Variants in SPAST observed in about 807,000 individuals in gnomAD.
The protein encoded by SPAST is spastic paraplegia 4 (autosomal dominant; spastin).
SPAST carries 30 observed loss-of-function variants against 76.6 expected under a neutral mutation model. That is an observed-to-expected ratio of 0.39 (90% CI 0.29 to 0.53). The LOEUF (loss-of-function observed/expected upper bound fraction) is 0.53, where lower values mean the gene tolerates loss of function less well. Ranked by LOEUF, SPAST falls within the 20% of genes least tolerant of loss-of-function variation. The pLI, the probability that SPAST is intolerant of heterozygous loss-of-function variation, is 0.68. For missense variants in SPAST, 717 were observed against 770.5 expected (o/e 0.93, Z 0.82); for synonymous variants, 305 against 281.0 (o/e 1.09, Z -0.86).
Position 32,064,172 on chromosome 2 carries a change from A to G in SPAST, c.341A>G (p.Glu114Gly). 1 of 1,550,002 alleles carries G rather than the reference A, an allele frequency of 6.5e-7. No homozygotes were observed. Among genetic ancestry groups the G allele is most frequent in the South Asian group, 1.2e-5 (1 of 84,370 alleles). Residue 114 changes from glutamate to glycine, a missense_variant, in exon 1 of 17, where the codon GAG (glutamate) becomes GGG (glycine). Coordinates refer to ENST00000315285, the MANE Select transcript of SPAST (RefSeq NM_014946.4). ...APAPVPGGEA[E>G]RVRVFHKQAF... ...GCGCCGGTGCCGGGCGGCGAGGCCG[A>G]GCGCGTCCGAGTCTTCCACAAACAG...
chr2:32,077,695 C>T (rs899343474), intron 1 of SPAST: 3 of 152,182 alleles, frequency 2.0e-5, no homozygotes, highest in African/African-American at 7.2e-5. Flanking sequence ...CATGTTTTGA[C>T]CCTTCTTGTG....
chr2:32,141,940 T>C lies in SPAST; in HGVS notation c.1530T>C (p.Asn510=). 6.2e-7 allele frequency: 1 copy of C among 1,612,174 alleles called. No homozygotes were observed. Among genetic ancestry groups the C allele is most frequent in the Non-Finnish European group, 8.5e-7 (1 of 1,178,732 alleles). The change falls in exon 13 of 17, where the codon AAT becomes AAC. Residue 510 remains asparagine, a synonymous_variant. Transcript: ENST00000315285. ...FIKRVYVSLP[N]EETRLLLLKN... is the part of the protein sequence containing the mutation. The stretch of plus-strand genomic sequence containing the variant: ...AACGGGTATATGTGTCTTTACCAAA[T>C]GAGGAGGTATGTATCTGTGTTTGAA...
rs577787558 is a variant in SPAST, at chr2:32,074,524, A to T, written c.415+10278A>T. Among the ~76,000 whole-genome samples, 275 of 146,796 alleles carry T rather than the reference A, an allele frequency of 1.9e-3. 1 individual carries two copies. The highest frequency in any genetic ancestry group is 6.6e-3 in the South Asian group (30 of 4,578). On this transcript the variant is annotated intron_variant, in intron 1 of 16. Transcript: ENST00000315285. ...CTTTTTTTTTTGTTGTTTTTTTTTT[A>T]AAATAGAGTCTGGCTCTGTCACCCA...
At chr2:32,071,923 TGGAAAG>T (rs969874875) in intron 1 of SPAST, among the ~76,000 whole-genome samples, 7 of 152,168 alleles carry the variant, frequency 4.6e-5, no homozygotes, top group East Asian at 1.9e-4. Flanking sequence ...GTAAAAGACT[TGGAAAG>T]GGAAAGGATT....
At chr2:32,098,944 G>C in intron 4 of SPAST, 53 bp downstream of exon 4, 41 of 1,151,184 alleles carry the variant, frequency 3.6e-5, no homozygotes, top group Non-Finnish European at 4.7e-5. Context: ...CAAAGTAAGA[G>C]TCTTACTTAA....
At chr2:32,077,275 G>A (rs1677000286) in intron 1 of SPAST, among the ~76,000 whole-genome samples, 1 of 152,200 alleles carries the variant, frequency 6.6e-6, no homozygotes, top group African/African-American at 2.4e-5. Flanking sequence ...CCTTGGAATG[G>A]TTTGTGTGAG....
intron 7 of SPAST, among the ~76,000 whole-genome samples, chr2:32,120,616 CCTT>C (rs1288663474): frequency 6.7e-6 from 1 of 148,426 alleles, no homozygotes; most frequent in African/African-American, 2.5e-5. Context: ...CCTGGAACCA[CCTT>C]CTTCTTTTCA....
At chr2:32,116,307 T>C (rs577297540) in intron 7 of SPAST, 95 bp downstream of exon 7, 13 of 790,768 alleles carry the variant, frequency 1.6e-5, no homozygotes, top group Non-Finnish European at 2.8e-5. Flanking sequence ...TATACTAAAA[T>C]AATTAATTCA....
chr2:32,075,918 T>TTG (rs33998383), intron 1 of SPAST, among the ~76,000 whole-genome samples: 27 of 144,078 alleles, frequency 1.9e-4, no homozygotes, highest in Non-Finnish European at 3.9e-4. Context: ...TTTTTTTTTT[T>TTG]GAGACAGAGT....
intron 16 of SPAST, among the ~76,000 whole-genome samples, chr2:32,151,061 C>T (rs752851148): frequency 2.0e-5 from 3 of 151,836 alleles, no homozygotes; most frequent in Non-Finnish European, 4.4e-5. Context: ...TCTCCTGCCT[C>T]AGCCTCCTGA....
At chr2:32,093,184 G>A (rs1258162754) in intron 3 of SPAST, among the ~76,000 whole-genome samples, 287 of 149,434 alleles carry the variant, frequency 1.9e-3, no homozygotes, top group African/African-American at 5.2e-3. Context: ...AGTGGCGGGC[G>A]CCTGTAGTCC....
At chr2:32,078,873 AGTTT>A (rs1340155234) in intron 1 of SPAST, among the ~76,000 whole-genome samples, 2 of 151,526 alleles carry the variant, frequency 1.3e-5, no homozygotes, top group African/African-American at 4.9e-5. Flanking sequence ...GTGTTTTTTC[AGTTT>A]GTTTGTTTTT....
intron 4 of SPAST, among the ~76,000 whole-genome samples, chr2:32,113,784 C>A (rs1678713661): frequency 6.6e-6 from 1 of 151,900 alleles, no homozygotes; most frequent in South Asian, 2.1e-4. Flanking sequence ...CCAGCCTGGT[C>A]TTGAACTACT....
Position 32,154,467 on chromosome 2 carries a change from A to G in SPAST, c.1822A>G (p.Asn608Asp). 1 of 1,613,982 alleles carries G rather than the reference A, an allele frequency of 6.2e-7. No homozygotes were observed. Among genetic ancestry groups the G allele is most frequent in the Non-Finnish European group, 8.5e-7 (1 of 1,179,848 alleles). ...AACTTTAGAAGCGTACATACGTTGGAACAAGGACTTTGGAGATACCACTGT... is the reference window on the plus strand; with the variant it reads ...AACTTTAGAAGCGTACATACGTTGGGACAAGGACTTTGGAGATACCACTGT... ...PQTLEAYIRW[N>D]KDFGDTTV Residue 608 changes from asparagine to aspartate, a missense_variant, in exon 17 of 17, where the codon AAC becomes GAC. Asn to Asp is a conservative substitution (Grantham distance 23, BLOSUM62 1). This residue lies in a region of SPAST where 96 missense variants were observed against 127.6 expected (regional missense o/e 0.75). Coordinates refer to ENST00000315285, the MANE Select transcript of SPAST (RefSeq NM_014946.4).
intron 4 of SPAST, among the ~76,000 whole-genome samples, chr2:32,110,663 A>ATATAG (rs1391851445): frequency 7.2e-6 from 1 of 138,968 alleles, no homozygotes; most frequent in African/African-American, 2.7e-5. Context: ...AGTATAGTAT[A>ATATAG]TATAGTATAT....
intron 16 of SPAST, among the ~76,000 whole-genome samples, chr2:32,147,646 G>GTTTGTTTGTTTGTTTGTTTT (rs66499406): frequency 9.3e-5 from 14 of 150,480 alleles, no homozygotes; most frequent in African/African-American, 3.2e-4. Flanking sequence ...TTGTTTGTTT[G>GTTTGTTTGTTTGTTTGTTTT]TTTGAGACGG....
chr2:32,112,902 A>G (rs1382448757), intron 4 of SPAST, among the ~76,000 whole-genome samples: 1 of 152,112 alleles, frequency 6.6e-6, no homozygotes, highest in Non-Finnish European at 1.5e-5. Context: ...AACATTGTAA[A>G]TAAACACTGA....
At chr2:32,085,205 C>CTTTTTTTTT (rs11399879) in intron 1 of SPAST, among the ~76,000 whole-genome samples, 2 of 119,772 alleles carry the variant, frequency 1.7e-5, no homozygotes, top group African/African-American at 6.2e-5. Context: ...TCTTCTTCTT[C>CTTTTTTTTT]TTTTTTTTTT....
chr2:32,063,970 A>G lies in SPAST; in HGVS notation c.139A>G (p.Lys47Glu). ...GPAPPPESPHKRNLYYFSYPL... is the reference protein window; with the variant it reads ...GPAPPPESPHERNLYYFSYPL... The stretch of plus-strand genomic sequence containing the variant: ...GGCCCCTCCGCCCGAGTCGCCGCAT[A>G]AGCGGAACCTGTACTATTTCTCCTA... Residue 47 changes from lysine to glutamate, a missense_variant, in exon 1 of 17, where the codon AAG (lysine) becomes GAG (glutamate). Physicochemically the swap from Lys to Glu is moderately conservative, Grantham distance 56 (BLOSUM62 1). Transcript: ENST00000315285. The G allele has an allele frequency of 6.8e-6, 11 of 1,612,652 alleles. No individual in the cohort carries two copies. The highest frequency in any genetic ancestry group is 9.3e-6 in the Non-Finnish European group (11 of 1,179,228).
Sources: allele counts gnomAD v4.1 joint callset (sites outside exome capture counted in the v4.1 genomes callset), GRCh38; gene constraint gnomAD v4.1.1; regional missense constraint gnomAD v4.1.1; transcripts MANE v1.5; gene names NCBI Gene and HGNC (gene_info 2026-07-23, HGNC 2026-07-21).